SGCZ: variants seen among roughly 807,000 people sequenced by gnomAD.
The protein encoded by SGCZ is sarcoglycan zeta.
A neutral mutation model predicts 41.3 loss-of-function variants in SGCZ; 40 were observed. The ratio of observed to expected loss-of-function variants is 0.97; its 90% CI spans 0.75 to 1.26. SGCZ has a LOEUF of 1.26. Ranked by LOEUF, SGCZ falls within the 50% of genes most tolerant of loss-of-function variation. SGCZ has a pLI of 0.00. For synonymous variants in SGCZ, 206 were observed against 137.5 expected (o/e 1.50, Z -3.49); for missense variants, 552 against 369.8 (o/e 1.49, Z -4.04).
chr8:15,122,179 T>C (rs1807508111), intron 1 of SGCZ, among the ~76,000 whole-genome samples: 1 of 147,238 alleles, frequency 6.8e-6, no homozygotes, highest in Non-Finnish European at 1.5e-5. Context: ...AACCCTGCAA[T>C]ATTCAAAGAT....
intron 4 of SGCZ, among the ~76,000 whole-genome samples, chr8:14,205,444 G>A (rs190277080): frequency 1.9e-4 from 29 of 152,246 alleles, no homozygotes; most frequent in African/African-American, 7.0e-4. Context: ...TGTAAGAAAT[G>A]TCCAATTGAT....
intron 3 of SGCZ, among the ~76,000 whole-genome samples, chr8:14,261,310 T>C (rs1009026411): frequency 2.1e-4 from 32 of 152,268 alleles, no homozygotes; most frequent in African/African-American, 7.7e-4. Flanking sequence ...AGAATGATGC[T>C]TATTAAAATG....
At chr8:15,119,773 T>A (rs1678939036) in intron 1 of SGCZ, among the ~76,000 whole-genome samples, 1 of 152,152 alleles carries the variant, frequency 6.6e-6, no homozygotes, top group South Asian at 2.1e-4. Flanking sequence ...CACGCTCTTA[T>A]ATTCTCTCCA....
chr8:14,594,177 A>AAAATAAAT (rs147529594), intron 1 of SGCZ, among the ~76,000 whole-genome samples: 21 of 136,210 alleles, frequency 1.5e-4, no homozygotes, highest in East Asian at 1.1e-3. Flanking sequence ...TCCATCTCAA[A>AAAATAAAT]AAATAAATAA....
At chr8:14,767,794 C>A (rs1800089920) in intron 1 of SGCZ, among the ~76,000 whole-genome samples, 1 of 152,196 alleles carries the variant, frequency 6.6e-6, no homozygotes, top group South Asian at 2.1e-4. Context: ...GTGTAAAGCA[C>A]TGTGAAAACC....
chr8:14,608,954 G>C (rs949225746), intron 1 of SGCZ, among the ~76,000 whole-genome samples: 10 of 152,020 alleles, frequency 6.6e-5, no homozygotes, highest in African/African-American at 9.7e-5. Context: ...GGTGATAGAA[G>C]AATACGAAAA....
At chr8:14,452,765 A>C (rs1461091261) in intron 2 of SGCZ, among the ~76,000 whole-genome samples, 1 of 152,106 alleles carries the variant, frequency 6.6e-6, no homozygotes, top group Non-Finnish European at 1.5e-5. Flanking sequence ...TTAAAAATAA[A>C]ATTAATTCAA....
At chr8:14,710,369 C>CAAAAAAAA (rs770994264) in intron 1 of SGCZ, among the ~76,000 whole-genome samples, 3 of 92,432 alleles carry the variant, frequency 3.2e-5, no homozygotes, top group Non-Finnish European at 4.4e-5. Context: ...GACTCCGCAT[C>CAAAAAAAA]AAAAAAAAAA....
intron 1 of SGCZ, among the ~76,000 whole-genome samples, chr8:14,773,550 C>T (rs2130404180): frequency 6.6e-6 from 1 of 152,312 alleles, no homozygotes; most frequent in East Asian, 1.9e-4. Flanking sequence ...ACAGAGTTCA[C>T]ATTCTTAGAT....
chr8:14,502,835 C>G (rs566874772), intron 2 of SGCZ, among the ~76,000 whole-genome samples: 1 of 152,264 alleles, frequency 6.6e-6, no homozygotes, highest in East Asian at 1.9e-4. Context: ...AATAGGAACA[C>G]TTTATACTGT....
At chr8:14,302,073 T>C (rs985129777) in intron 3 of SGCZ, among the ~76,000 whole-genome samples, 2 of 152,160 alleles carry the variant, frequency 1.3e-5, no homozygotes, top group Non-Finnish European at 2.9e-5. Flanking sequence ...CTTCTCTTTC[T>C]CTAAGATTAC....
chr8:14,361,431 C>G (rs760864856), intron 2 of SGCZ, among the ~76,000 whole-genome samples: 1 of 152,086 alleles, frequency 6.6e-6, no homozygotes, highest in Non-Finnish European at 1.5e-5. Flanking sequence ...CATTAATTTG[C>G]TCTTCAATCA....
intron 7 of SGCZ, among the ~76,000 whole-genome samples, chr8:14,095,936 T>C (rs568075409): frequency 5.9e-5 from 9 of 152,184 alleles, no homozygotes; most frequent in Non-Finnish European, 1.0e-4. Context: ...ATGCTTGTGA[T>C]TTTTGCACAT....
intron 2 of SGCZ, among the ~76,000 whole-genome samples, chr8:14,490,659 A>C (rs1051085767): frequency 1.3e-5 from 2 of 152,170 alleles, no homozygotes; most frequent in Non-Finnish European, 2.9e-5. Flanking sequence ...TGTCCATTAC[A>C]AGTCAAATTG....
intron 1 of SGCZ, among the ~76,000 whole-genome samples, chr8:14,596,835 A>C (rs935372043): frequency 6.6e-6 from 1 of 152,198 alleles, no homozygotes; most frequent in African/African-American, 2.4e-5. Context: ...ATTAGAGTAA[A>C]ATAAAAAATA....
At chr8:15,197,097 A>C (rs1018999363) in intron 1 of SGCZ, among the ~76,000 whole-genome samples, 3 of 152,244 alleles carry the variant, frequency 2.0e-5, no homozygotes, top group Non-Finnish European at 4.4e-5. Flanking sequence ...AACCCAGTTC[A>C]GATTCAAGGG....
intron 1 of SGCZ, among the ~76,000 whole-genome samples, chr8:15,056,210 C>T (rs947752127): frequency 2.0e-5 from 3 of 152,162 alleles, no homozygotes; most frequent in Admixed American, 2.0e-4. Context: ...CTTCCAGACC[C>T]TTGGATCTAA....
At chr8:14,139,476 C>T (rs1466427571) in intron 5 of SGCZ, among the ~76,000 whole-genome samples, 2 of 151,654 alleles carry the variant, frequency 1.3e-5, no homozygotes, top group African/African-American at 2.4e-5. Context: ...AGAAGAATCA[C>T]ATAGATGCAA....
At chr8:15,147,310 C>A (rs1799061269) in intron 1 of SGCZ, among the ~76,000 whole-genome samples, 1 of 152,090 alleles carries the variant, frequency 6.6e-6, no homozygotes, top group African/African-American at 2.4e-5. Flanking sequence ...CGGGCTTTCA[C>A]TCTTTTTGAC....
Sources: gnomAD v4.1 joint callset for allele counts (sites outside exome capture counted in the v4.1 genomes callset) on GRCh38, gnomAD v4.1.1 for gene constraint, MANE v1.5 for transcripts, NCBI Gene and HGNC (gene_info 2026-07-23, HGNC 2026-07-21) for gene names.